SSBP3: variants seen among roughly 807,000 people sequenced by gnomAD.
SSBP3 encodes the protein single stranded DNA binding protein 3.
In SSBP3, 5 loss-of-function variants were observed where a neutral mutation model predicts 69.6. The observed-to-expected ratio is 0.07, with a 90% CI of 0.04 to 0.15. The LOEUF is 0.15. Among genes scored for constraint, SSBP3 ranks in the 10% least tolerant of loss-of-function variants. SSBP3 has a pLI of 1.00. For synonymous variants in SSBP3, 196 were observed against 193.4 expected (o/e 1.01, Z -0.11); for missense variants, 312 against 534.0 (o/e 0.58, Z 4.10).
chr1:54,395,679 A>G (rs1648812951), intron 4 of SSBP3, among the ~76,000 whole-genome samples: 2 of 152,160 alleles, frequency 1.3e-5, no homozygotes, highest in African/African-American at 4.8e-5. Context: ...GCATTCCCCC[A>G]TTCTACAGAT....
rs1348468209 is a variant in SSBP3 at position 54,319,421 on chromosome 1, G to C, written c.277-37894C>G. ...CAACTCCCATCCAGGTCTACACCTG[G>C]CACTATGTAGGTACATAAGACATCT... On this transcript the variant is annotated intron_variant, in intron 4 of 17. Transcript: ENST00000610401. Among the ~76,000 whole-genome samples, 3 of 152,198 alleles carry C rather than the reference G, an allele frequency of 2.0e-5. No individual in the cohort carries two copies. The East Asian group carries it at 5.8e-4, about 29-fold the overall frequency.
At position 54,288,592 on chromosome 1, in the gene SSBP3, G is replaced by C. The variant is rs556342894; in HGVS notation, c.277-7065C>G. ...TCCCATACATCAGCAGGGGTGGGGGGGGGGAGGGTAGTATTTATTCCCCAA... is the reference window on the plus strand; with the variant it reads ...TCCCATACATCAGCAGGGGTGGGGGCGGGGAGGGTAGTATTTATTCCCCAA... On this transcript the variant is annotated intron_variant, in intron 4 of 17. Coordinates refer to ENST00000610401, the Ensembl canonical transcript of SSBP3. 7.0e-5 allele frequency among the ~76,000 whole-genome samples: 10 copies of C among 142,356 alleles called. No homozygotes were observed. In the South Asian group the frequency reaches 1.2e-3, roughly 17 times the overall value. The allele number at this position is 142,356 out of a possible 152,430, so 93.4% of individuals were successfully genotyped here. A position where few individuals can be genotyped will look rare whatever the true frequency, so the allele number is the denominator to read the frequency against.
intron 4 of SSBP3, among the ~76,000 whole-genome samples, chr1:54,347,840 C>T (rs1646714495): frequency 6.6e-6 from 1 of 152,214 alleles, no homozygotes; most frequent in Non-Finnish European, 1.5e-5. Context: ...GAGGGCATGG[C>T]CCTGCGGGCA....
At chr1:54,284,327 A>T (rs1645448540) in intron 4 of SSBP3, among the ~76,000 whole-genome samples, 1 of 151,866 alleles carries the variant, frequency 6.6e-6, no homozygotes, top group African/African-American at 2.4e-5. Context: ...GTTACCTCTT[A>T]GGTCATTACC....
intron 3 of SSBP3, among the ~76,000 whole-genome samples, chr1:54,404,213 A>T (rs1330524113): frequency 2.0e-5 from 3 of 151,988 alleles, no homozygotes; most frequent in Non-Finnish European, 4.4e-5. Context: ...CAGACCTGGT[A>T]TCCCCTCCAC....
chr1:54,409,435 C>CG (rs1462986014), upstream of SSBP3, among the ~76,000 whole-genome samples: 1 of 152,120 alleles, frequency 6.6e-6, no homozygotes, highest in African/African-American at 2.4e-5. Context: ...CTGTGTATCT[C>CG]CAGCACACAG....
chr1:54,407,543 G>C (rs1271279222), upstream of SSBP3, among the ~76,000 whole-genome samples: 1 of 151,952 alleles, frequency 6.6e-6, no homozygotes, highest in Non-Finnish European at 1.5e-5. Flanking sequence ...CCCTCATTAG[G>C]GACTCTTAAG....
chr1:54,258,001 C>T lies in SSBP3; in HGVS notation c.447+68G>A. 8.2e-6 allele frequency: 12 copies of T among 1,460,684 alleles called. 1 individual carries two copies. The highest frequency in any genetic ancestry group is 5.1e-5 in the South Asian group (4 of 78,306). 90.5% of individuals were successfully genotyped at this position (1,460,684 alleles called of 1,614,324 possible). A position where few individuals can be genotyped will look rare whatever the true frequency, so the allele number is the denominator to read the frequency against. On this transcript the variant is annotated intron_variant, in intron 6 of 17. Transcript: ENST00000610401. This position sits in a 1 kb window ranked among gnomAD's most constrained non-coding sequence, Gnocchi z 4.5. ...GAGCACATTTTGATTTTTGTTTTTC[C>T]TCTGCGGGCTCTCTGCTTCCTCCGC... is the stretch of plus-strand genomic sequence containing the variant.
At chr1:54,365,037 G>A (rs919205763) in intron 4 of SSBP3, among the ~76,000 whole-genome samples, 2 of 152,218 alleles carry the variant, frequency 1.3e-5, no homozygotes, top group African/African-American at 4.8e-5. Flanking sequence ...GGCCTGCACA[G>A]AGGGGCAGGA....
intron 4 of SSBP3, among the ~76,000 whole-genome samples, chr1:54,286,176 A>G (rs1396433263): frequency 6.6e-6 from 1 of 152,118 alleles, no homozygotes; most frequent in Non-Finnish European, 1.5e-5. Context: ...AGTGGGTGAC[A>G]TTGGGTTCTA....
chr1:54,301,351 G>A (rs1475499991), intron 4 of SSBP3, among the ~76,000 whole-genome samples: 2 of 152,190 alleles, frequency 1.3e-5, no homozygotes, highest in African/African-American at 2.4e-5. Flanking sequence ...AACAGCACAA[G>A]CTAACCTAAG....
intron 4 of SSBP3, chr1:54,287,433 G>A (rs907492120): frequency 6.6e-6 from 1 of 152,442 alleles, no homozygotes; most frequent in Admixed American, 6.5e-5. Flanking sequence ...GGGGTGGGAG[G>A]TGTGTGCTGA....
At chr1:54,293,288 G>A (rs1226565141) in intron 4 of SSBP3, among the ~76,000 whole-genome samples, 1 of 151,982 alleles carries the variant, frequency 6.6e-6, no homozygotes, top group African/African-American at 2.4e-5. Context: ...ATCTGCTAAG[G>A]GGGTGGGGCC....
At position 54,241,449 on chromosome 1, in the gene SSBP3, C is replaced by T. The variant is rs1207607963; in HGVS notation, c.801+25G>A. On this transcript the variant is annotated intron_variant, in intron 12 of 17. Transcript: ENST00000610401. The stretch of plus-strand genomic sequence containing the variant: ...ACTCAGTCCCACGTGGCTAGACATG[C>T]AATGCCCCAAACCCACACACTTACC... The T allele has an allele frequency of 2.5e-6, 4 of 1,613,846 alleles. No homozygotes were observed. The East Asian group carries it at 8.9e-5, about 36-fold the overall frequency.
chr1:54,409,424 T>C (rs1329017933), upstream of SSBP3, among the ~76,000 whole-genome samples: 3 of 152,136 alleles, frequency 2.0e-5, no homozygotes, highest in Non-Finnish European at 4.4e-5. Context: ...GTTTGAGTTA[T>C]CTGTGTATCT....
chr1:54,382,921 G>T (rs1647764685), intron 4 of SSBP3, among the ~76,000 whole-genome samples: 1 of 149,140 alleles, frequency 6.7e-6, no homozygotes, highest in African/African-American at 2.5e-5. Flanking sequence ...GGAGGCGGAG[G>T]CTGCGGTGAG....
intron 5 of SSBP3, among the ~76,000 whole-genome samples, chr1:54,272,541 G>C (rs1645212901): frequency 6.6e-6 from 1 of 151,076 alleles, no homozygotes; most frequent in Non-Finnish European, 1.5e-5. Context: ...GAAGGTAGGT[G>C]GGGACAGGAG....
chr1:54,401,310 ATGAACTAGC>A (rs1433556217), intron 4 of SSBP3, among the ~76,000 whole-genome samples: 6 of 152,166 alleles, frequency 3.9e-5, no homozygotes, highest in Admixed American at 2.6e-4. Context: ...CCACAAGATT[ATGAACTAGC>A]TGAGGATCTC....
At chr1:54,343,136 T>TG (rs900993554) in intron 4 of SSBP3, among the ~76,000 whole-genome samples, 2 of 152,080 alleles carry the variant, frequency 1.3e-5, no homozygotes, top group African/African-American at 2.4e-5. Flanking sequence ...TTAGGACAGG[T>TG]GGGGGGAAGA....
Sources: gnomAD v4.1 joint callset for allele counts (sites outside exome capture counted in the v4.1 genomes callset) on GRCh38, gnomAD v4.1.1 for gene constraint, Gnocchi (gnomAD v3.1) non-coding constraint, MANE v1.5 for transcripts, NCBI Gene and HGNC (gene_info 2026-07-23, HGNC 2026-07-21) for gene names.